Variants in NFKBIZ observed in about 807,000 individuals in gnomAD.
NFKBIZ encodes NFKB inhibitor zeta.
NFKBIZ carries 19 observed loss-of-function variants against 76.8 expected under a neutral mutation model. The ratio of observed to expected loss-of-function variants is 0.25; its 90% confidence interval spans 0.17 to 0.36. NFKBIZ has a LOEUF of 0.36. Among genes scored for constraint, NFKBIZ ranks in the 10% least tolerant of loss-of-function variants. The pLI is 1.00. For synonymous variants in NFKBIZ, 368 were observed against 354.8 expected (o/e 1.04, Z -0.42); for missense variants, 829 against 910.9 (o/e 0.91, Z 1.16).
At position 101,855,401 on chromosome 3, in the gene NFKBIZ, C is replaced by G; in HGVS notation, c.1597C>G (p.Gln533Glu). 6.2e-7 allele frequency: 1 copy of G among 1,614,166 alleles called. No individual in the cohort carries two copies. Among genetic ancestry groups the G allele is most frequent in the Non-Finnish European group, 8.5e-7 (1 of 1,180,032 alleles). ...KGHSQVLQAIQKGAVGSNQFV... is the reference protein window; with the variant it reads ...KGHSQVLQAIEKGAVGSNQFV... ...CTGTTTTTAAAATCTGCAGGCGATT[C>G]AGAAGGGAGCAGTGGGAAGTAATCA... The change falls in exon 8 of 12, where the codon CAG (glutamine) becomes GAG (glutamate). Residue 533 changes from glutamine (Q) to glutamate (E), a missense_variant. Gln to Glu is a conservative substitution (Grantham distance 29, BLOSUM62 2). Coordinates refer to ENST00000326172, the MANE Select transcript of NFKBIZ (RefSeq NM_031419.4).
chr3:101,843,635 A>T (rs2107404550), intron 2 of NFKBIZ, among the ~76,000 whole-genome samples: 1 of 152,344 alleles, frequency 6.6e-6, no homozygotes, highest in East Asian at 1.9e-4. Flanking sequence ...TGGAACCTGA[A>T]ACCATATCAA....
At chr3:101,857,796 C>T in intron 11 of NFKBIZ, 1 of 985,312 alleles carries the variant, frequency 1.0e-6, no homozygotes, top group Non-Finnish European at 1.2e-6. Flanking sequence ...GAATCTTAGT[C>T]TTGTAATGTA....
intron 2 of NFKBIZ, among the ~76,000 whole-genome samples, chr3:101,838,723 T>C (rs1560083436): frequency 6.6e-6 from 1 of 152,212 alleles, no homozygotes; most frequent in East Asian, 1.9e-4. Context: ...TCATCAACTT[T>C]GTATTAAATT....
chr3:101,859,456 A>T lies in NFKBIZ; in HGVS notation c.*85A>T, dbSNP rs1378058972. 28 of 1,082,814 alleles carry T rather than the reference A, an allele frequency of 2.6e-5. No homozygotes were observed. Among genetic ancestry groups the T allele is most frequent in the Middle Eastern group, 2.0e-4 (1 of 4,966 alleles). The allele number at this position is 1,082,814 out of a possible 1,614,324, so 67.1% of individuals were successfully genotyped here. On this transcript the variant is annotated 3_prime_UTR_variant, in exon 12 of 12. Transcript: ENST00000326172. ...TCTGTACATAGACCATTTGCCTTATATTGGCAAATGTAAGTTGTTTCTATG... is the reference window on the plus strand; with the variant it reads ...TCTGTACATAGACCATTTGCCTTATTTTGGCAAATGTAAGTTGTTTCTATG...
intron 1 of NFKBIZ, among the ~76,000 whole-genome samples, chr3:101,851,584 G>T (rs565385866): frequency 9.4e-4 from 143 of 152,312 alleles, no homozygotes; most frequent in African/African-American, 3.3e-3. Context: ...GGAATTGATA[G>T]ACTTTAAAAT....
At chr3:101,833,613 T>G (rs1038000419) in intron 2 of NFKBIZ, among the ~76,000 whole-genome samples, 1 of 152,142 alleles carries the variant, frequency 6.6e-6, no homozygotes, top group African/African-American at 2.4e-5. Flanking sequence ...GGCTGCCAAA[T>G]TTACCCTTGG....
intron 1 of NFKBIZ, chr3:101,850,429 G>A (rs1394855374): frequency 6.6e-6 from 1 of 152,426 alleles, no homozygotes; most frequent in African/African-American, 2.4e-5. Flanking sequence ...TTATCAAGGT[G>A]AAGCCGGGCT....
At chr3:101,829,378 C>T (rs1942612664) in intron 1 of NFKBIZ, among the ~76,000 whole-genome samples, 1 of 152,186 alleles carries the variant, frequency 6.6e-6, no homozygotes, top group Non-Finnish European at 1.5e-5. Context: ...GACTTTTCCT[C>T]ACTGAGGAAG....
chr3:101,853,012 CTGACTATCCTT>C, intron 4 of NFKBIZ, 23 bp downstream of exon 4: 1 of 1,613,402 alleles, frequency 6.2e-7, no homozygotes, highest in African/African-American at 1.3e-5. Flanking sequence ...CCATTTTCCT[CTGACTATCCTT>C]TGGAAATTAT....
intron 1 of NFKBIZ, among the ~76,000 whole-genome samples, chr3:101,851,049 T>C (rs1300884951): frequency 6.6e-6 from 1 of 152,272 alleles, no homozygotes; most frequent in Non-Finnish European, 1.5e-5. Context: ...CTGGTATCTC[T>C]TGAAATCCCT....
At chr3:101,854,929 A>G in intron 6 of NFKBIZ, 133 bp from the exon 7 acceptor site, 3 of 1,017,042 alleles carry the variant, frequency 2.9e-6, no homozygotes, top group Non-Finnish European at 4.2e-6. Context: ...CTTGTCTTAC[A>G]GTATCTGATT....
At chr3:101,840,676 A>G (rs1466133021) in intron 2 of NFKBIZ, among the ~76,000 whole-genome samples, 1 of 152,210 alleles carries the variant, frequency 6.6e-6, no homozygotes, top group African/African-American at 2.4e-5. Context: ...GTACTGTAGC[A>G]TTGCTGTGAT....
intron 1 of NFKBIZ, among the ~76,000 whole-genome samples, chr3:101,850,924 C>T (rs1942948537): frequency 6.6e-6 from 1 of 152,214 alleles, no homozygotes; most frequent in South Asian, 2.1e-4. Flanking sequence ...CTGCTGGTCC[C>T]TTGGTTTACC....
chr3:101,845,286 T>A (rs1420833290), upstream of NFKBIZ, among the ~76,000 whole-genome samples: 2 of 140,072 alleles, frequency 1.4e-5, no homozygotes, highest in Admixed American at 7.0e-5. Flanking sequence ...AAAAAAAAAA[T>A]CCAATTCCTT....
intron 2 of NFKBIZ, among the ~76,000 whole-genome samples, chr3:101,841,137 G>C (rs1197378679): frequency 6.6e-6 from 1 of 152,116 alleles, no homozygotes; most frequent in African/African-American, 2.4e-5. Flanking sequence ...CCTCAATATG[G>C]TATACTGTGC....
chr3:101,857,529 T>G, intron 11 of NFKBIZ, 70 bp downstream of exon 11: 1 of 1,593,932 alleles, frequency 6.3e-7, no homozygotes, highest in Non-Finnish European at 8.5e-7. Context: ...GAGATGAGGC[T>G]GTGCAGGGCG....
intron 1 of NFKBIZ, among the ~76,000 whole-genome samples, chr3:101,850,840 C>G (rs59449628): frequency 2.6e-5 from 4 of 152,188 alleles, no homozygotes; most frequent in Non-Finnish European, 5.9e-5. Context: ...TAAACCACTG[C>G]GTAGCAGATC....
intron 6 of NFKBIZ, among the ~76,000 whole-genome samples, 176 bp downstream of exon 6, chr3:101,854,859 G>A (rs1305511962): frequency 6.6e-6 from 1 of 152,092 alleles, no homozygotes; most frequent in Non-Finnish European, 1.5e-5. Flanking sequence ...TGTTAACTTT[G>A]TAGCTGTTTG....
chr3:101,858,271 A>G (rs1943081027), intron 11 of NFKBIZ: 1 of 971,326 alleles, frequency 1.0e-6, no homozygotes, highest in South Asian at 4.8e-5. Flanking sequence ...AGTAGCCCCT[A>G]TTTATAGAGC....
Sources: gnomAD v4.1 joint callset for allele counts (sites outside exome capture counted in the v4.1 genomes callset) on GRCh38, gnomAD v4.1.1 for gene constraint, MANE v1.5 for transcripts, NCBI Gene and HGNC (gene_info 2026-07-23, HGNC 2026-07-21) for gene names.